Variants in CLCN5 observed in about 807,000 individuals in gnomAD.
The protein encoded by CLCN5 is Cl-/H+ antiporter 5, also known as H(+)/Cl(-) exchange transporter 5.
Under a neutral mutation model 54.0 loss-of-function variants are expected in CLCN5, and 17 were observed. That is an observed-to-expected ratio of 0.31 (90% confidence interval 0.22 to 0.47). CLCN5 has a LOEUF of 0.47. Among genes scored for constraint, CLCN5 ranks in the 20% least tolerant of loss-of-function variants. CLCN5 has a pLI of 1.00. For synonymous variants in CLCN5, 222 were observed against 233.0 expected (o/e 0.95, Z 0.43); for missense variants, 448 against 646.7 (o/e 0.69, Z 3.33).
rs370200814 is a variant in CLCN5 at position 50,092,186 on chromosome X, G to C, written c.2418G>C (p.Ala806=). ...TGTTAAAGCATATAGCACAGATGGC[G>C]AACCAAGATCCTGATTCCATTCTCT... ...KDVLKHIAQM[A]NQDPDSILFN Residue 806 remains alanine, a synonymous_variant, in exon 15 of 15, where the codon GCG becomes GCC. Coordinates refer to ENST00000376091, the MANE Select transcript of CLCN5 (RefSeq NM_001127898.4). 2 of 1,199,907 alleles carry C rather than the reference G, an allele frequency of 1.7e-6. No individual in the cohort carries two copies. The highest frequency in any genetic ancestry group is 3.5e-5 in the African/African-American group (2 of 57,126).
rs782156516 is a variant in CLCN5, at chrX:50,089,055, AAAAAAT to A, written c.1744+184_1744+189del. Among the ~76,000 whole-genome samples, 256 of 111,159 alleles carry A rather than the reference AAAAAAT, an allele frequency of 2.3e-3. 2 individuals are homozygous for A. The highest frequency in any genetic ancestry group is 8.1e-3 in the African/African-American group (243 of 29,827). On this transcript the variant is annotated intron_variant, in intron 12 of 14. Coordinates refer to ENST00000376091, the MANE Select transcript of CLCN5 (RefSeq NM_001127898.4). Reference sequence around the variant, plus strand: ...TCTGGTATACAGATGAGGAAACTAAAAAAAATAAAAATAAAAATCATAATAAAAAAG... The same window carrying A: ...TCTGGTATACAGATGAGGAAACTAAAAAAAATAAAAATCATAATAAAAAAG...
At chrX:49,989,997 A>T (rs1557178705) in intron 3 of CLCN5, among the ~76,000 whole-genome samples, 1 of 111,657 alleles carries the variant, frequency 9.0e-6, no homozygotes. Flanking sequence ...ACTTAGTTTC[A>T]GGGTCGGTAA....
At chrX:50,063,813 G>A (rs1281418827) in intron 4 of CLCN5, among the ~76,000 whole-genome samples, 2 of 111,165 alleles carry the variant, frequency 1.8e-5, no homozygotes, top group African/African-American at 3.3e-5. Context: ...TATCCACCAT[G>A]ATCAAGTGGG....
intron 3 of CLCN5, among the ~76,000 whole-genome samples, chrX:49,932,738 T>C (rs1925725991): frequency 1.8e-5 from 2 of 112,686 alleles, no homozygotes; most frequent in South Asian, 7.3e-4. Flanking sequence ...CTGTATCTAA[T>C]GTAGAGGTTG....
intron 4 of CLCN5, among the ~76,000 whole-genome samples, chrX:50,069,204 T>C (rs1557191262): frequency 8.9e-6 from 1 of 111,984 alleles, no homozygotes; most frequent in African/African-American, 3.2e-5. Context: ...GGGACTATGA[T>C]GGGTGGGCAG....
chrX:50,067,555 G>A, intron 4 of CLCN5: 1 of 748,962 alleles, frequency 1.3e-6, no homozygotes, highest in Admixed American at 8.6e-5. Context: ...CTCCAACAGT[G>A]ACATCACATT....
rs1281770511 is a variant in CLCN5 at position 50,097,845 on chromosome X, C to T, written c.*5626C>T. ...GAGGGCTTTAGCATCTCAAGGCAGA[C>T]ATATGAAGTATTTACTGCTAAACTA... On this transcript the variant is annotated 3_prime_UTR_variant, in exon 15 of 15. Transcript: ENST00000376091. 8.9e-6 allele frequency: 1 copy of T among 112,250 alleles called. No individual in the cohort carries two copies. The highest frequency in any genetic ancestry group is 1.9e-5 in the Non-Finnish European group (1 of 53,230). 9.3% of individuals were successfully genotyped at this position (112,250 alleles called of 1,213,427 possible).
chrX:50,088,539 T>C lies in CLCN5; in HGVS notation c.1558-159T>C, dbSNP rs1243101581. The C allele has an allele frequency of 4.2e-5, 22 of 520,075 alleles. No individual in the cohort carries two copies. The Admixed American group carries it at 5.0e-4, about 12-fold the overall frequency. 42.9% of individuals were successfully genotyped at this position (520,075 alleles called of 1,213,427 possible). Reference sequence around the variant, plus strand: ...CACGTCCCAGAGAACCTCTAGTCCCTGTAGTGTTACACACACCTTTACAGC... The same window carrying C: ...CACGTCCCAGAGAACCTCTAGTCCCCGTAGTGTTACACACACCTTTACAGC... On this transcript the variant is annotated intron_variant, in intron 11 of 14. Coordinates refer to ENST00000376091, the MANE Select transcript of CLCN5 (RefSeq NM_001127898.4).
chrX:50,021,234 G>A (rs1244120423), intron 3 of CLCN5, among the ~76,000 whole-genome samples: 4 of 98,419 alleles, frequency 4.1e-5, no homozygotes, highest in Non-Finnish European at 5.8e-5. Flanking sequence ...TCTCTTTGAA[G>A]CAATTGTGAA....
intron 3 of CLCN5, among the ~76,000 whole-genome samples, chrX:50,000,984 C>T: frequency 9.1e-6 from 1 of 110,459 alleles, no homozygotes; most frequent in Non-Finnish European, 1.9e-5. Context: ...TCCCTTCCTT[C>T]CTCCTCACTC....
intron 3 of CLCN5, among the ~76,000 whole-genome samples, chrX:50,033,806 C>A (rs934991679): frequency 9.0e-6 from 1 of 111,636 alleles, no homozygotes; most frequent in African/African-American, 3.3e-5. Context: ...TAGATGTTAT[C>A]GATATAAATA....
intron 3 of CLCN5, among the ~76,000 whole-genome samples, chrX:50,037,816 T>C (rs901786729): frequency 8.9e-6 from 1 of 112,356 alleles, no homozygotes; most frequent in Non-Finnish European, 1.9e-5. Flanking sequence ...AATATTGATA[T>C]ATGTAAAACA....
At chrX:50,090,962 T>C in intron 14 of CLCN5, 76 bp downstream of exon 14, 1 of 854,811 alleles carries the variant, frequency 1.2e-6, no homozygotes, top group East Asian at 3.2e-5. Flanking sequence ...TAGAAAGAAG[T>C]AGAACCCAGT....
chrX:50,007,302 C>T (rs782214542), intron 3 of CLCN5, among the ~76,000 whole-genome samples: 1 of 111,378 alleles, frequency 9.0e-6, no homozygotes, highest in South Asian at 3.9e-4. Context: ...GACATGTGAG[C>T]ATACAGGGAC....
intron 8 of CLCN5, 38 bp from the exon 9 acceptor site, chrX:50,081,603 C>T (rs782719760): frequency 1.8e-6 from 2 of 1,114,574 alleles, no homozygotes; most frequent in African/African-American, 3.6e-5. Flanking sequence ...TGTTGACTTC[C>T]TTAGTCTATA....
At chrX:50,086,144 G>A (rs2147594551) in intron 10 of CLCN5, 84 bp downstream of exon 10, 3 of 904,533 alleles carry the variant, frequency 3.3e-6, no homozygotes, top group East Asian at 6.2e-5. Flanking sequence ...TGTACATAAT[G>A]TACAATATCT....
At chrX:50,002,713 G>A (rs1929925973) in intron 3 of CLCN5, among the ~76,000 whole-genome samples, 1 of 108,063 alleles carries the variant, frequency 9.3e-6, no homozygotes, top group Non-Finnish European at 1.9e-5. Context: ...GTGTGTGTGT[G>A]TGTGGTGTGT....
intron 11 of CLCN5, 70 bp from the exon 12 acceptor site, chrX:50,088,628 C>A: frequency 9.6e-7 from 1 of 1,036,719 alleles, no homozygotes; most frequent in Non-Finnish European, 1.4e-6. Flanking sequence ...AGGGTCAGTC[C>A]TCCAGCCCTT....
intron 3 of CLCN5, among the ~76,000 whole-genome samples, chrX:49,941,382 TC>T (rs1289047885): frequency 2.7e-5 from 3 of 111,474 alleles, no homozygotes; most frequent in African/African-American, 9.8e-5. Context: ...CTTTTCTCTT[TC>T]TTGACCTCAG....
Sources: gnomAD v4.1 joint callset for allele counts (sites outside exome capture counted in the v4.1 genomes callset) on GRCh38, gnomAD v4.1.1 for gene constraint, MANE v1.5 for transcripts, NCBI Gene and HGNC (gene_info 2026-07-23, HGNC 2026-07-21) for gene names.